Variants in FLT4 observed in about 807,000 individuals in gnomAD.
The protein encoded by FLT4 is vascular endothelial growth factor receptor 3.
In FLT4, 30 loss-of-function variants were observed where a neutral mutation model predicts 163.2. The observed-to-expected ratio is 0.18, with a 90% CI of 0.14 to 0.25. The LOEUF is 0.25. Ranked by LOEUF, FLT4 falls within the 10% of genes least tolerant of loss-of-function variation. FLT4 has a pLI of 1.00. For synonymous variants in FLT4, 884 were observed against 789.5 expected, an observed-to-expected ratio of 1.12 and a Z score of -2.01; for missense variants, 1,510 against 1,863.8, an observed-to-expected ratio of 0.81 and a Z score of 3.50.
At chr5:180,624,105 AG>A (rs775253724) in intron 10 of FLT4, 44 bp from the exon 11 acceptor site, 9 of 1,605,510 alleles carry the variant, frequency 5.6e-6, no homozygotes, top group Non-Finnish European at 7.6e-6. Context: ...GGATACAGGC[AG>A]GAAGGGCCCA....
At chr5:180,629,639 T>C in intron 6 of FLT4, 57 bp downstream of exon 6, 1 of 1,583,876 alleles carries the variant, frequency 6.3e-7, no homozygotes, top group Non-Finnish European at 8.6e-7. Context: ...CAGTGTGTGC[T>C]GTACAGTCAC....
chr5:180,608,838 G>T (rs967831277), intron 29 of FLT4, 130 bp downstream of exon 29: 35 of 796,750 alleles, frequency 4.4e-5, no homozygotes, highest in Non-Finnish European at 6.6e-5. Context: ...CACCTTGAAC[G>T]CGCGAAAAGG....
At chr5:180,628,380 C>T (rs1356601742) in intron 8 of FLT4, among the ~76,000 whole-genome samples, 1 of 152,206 alleles carries the variant, frequency 6.6e-6, no homozygotes, top group African/African-American at 2.4e-5. Context: ...TGCGGGGACT[C>T]CAGCAGCTTG....
intron 23 of FLT4, among the ~76,000 whole-genome samples, chr5:180,614,705 GC>G (rs59338603): frequency 0.2 from 30,775 of 151,888 alleles, 3,379 homozygotes; most frequent in Middle Eastern, 0.26. Context: ...TTCTGGACTG[GC>G]CTCTACCTCC....
intron 1 of FLT4, among the ~76,000 whole-genome samples, chr5:180,641,129 T>C (rs915680837): frequency 3.3e-5 from 5 of 152,272 alleles, no homozygotes; most frequent in African/African-American, 1.2e-4. Context: ...CCCTGCCCGG[T>C]TGGGCTGTGT....
chr5:180,603,720 C>T (rs978794180), intron 29 of FLT4, among the ~76,000 whole-genome samples: 25 of 152,038 alleles, frequency 1.6e-4, no homozygotes, highest in Admixed American at 1.0e-3. Flanking sequence ...CTGGCTAACA[C>T]GGTGAAACCC....
intron 13 of FLT4, 32 bp from the exon 14 acceptor site, chr5:180,621,284 G>C (rs2127815412): frequency 6.3e-7 from 1 of 1,599,008 alleles, no homozygotes; most frequent in Non-Finnish European, 8.5e-7. Flanking sequence ...GAGCTAAGTG[G>C]AGCTGCACTT....
In FLT4 at chr5:180,618,929, G is replaced by A. The variant is rs1245442526; in HGVS notation, c.2851-9C>T. ...TGCTCGGGAGACTTCTCCTGCGGATGCACGAAGCTGGCTCGAGGGCGCCCA... is the reference window on the plus strand; with the variant it reads ...TGCTCGGGAGACTTCTCCTGCGGATACACGAAGCTGGCTCGAGGGCGCCCA... On this transcript the variant is annotated splice_polypyrimidine_tract_variant and intron_variant, in intron 20 of 29. Transcript: ENST00000261937. 1.3e-6 allele frequency: 2 copies of A among 1,581,070 alleles called. No individual in the cohort carries two copies. The highest frequency in any genetic ancestry group is 1.1e-5 in the South Asian group (1 of 86,984).
chr5:180,640,596 C>A (rs2127861242), intron 1 of FLT4, among the ~76,000 whole-genome samples: 2 of 152,356 alleles, frequency 1.3e-5, no homozygotes, highest in Middle Eastern at 6.8e-3. Context: ...TGGCTGAGGG[C>A]AAAGCCCTTT....
intron 28 of FLT4, 54 bp from the exon 29 acceptor site, chr5:180,609,107 G>A: frequency 2.7e-6 from 4 of 1,482,734 alleles, no homozygotes; most frequent in Non-Finnish European, 3.8e-6. Flanking sequence ...CCTCCTGCAG[G>A]GCAGCCACCC....
intron 29 of FLT4, among the ~76,000 whole-genome samples, chr5:180,606,746 A>C (rs1395014459): frequency 2.6e-5 from 4 of 152,194 alleles, no homozygotes; most frequent in African/African-American, 7.2e-5. Context: ...TTGATTTTCC[A>C]AAACCAGGTA....
chr5:180,633,173 C>T lies in FLT4; in HGVS notation c.59-1395G>A, dbSNP rs149247856. Reference sequence around the variant, plus strand: ...CCTGCTGCACACCAAGATCTCATTTCGGCCTCACACGGGCAATGTGGTCAC... The same window carrying T: ...CCTGCTGCACACCAAGATCTCATTTTGGCCTCACACGGGCAATGTGGTCAC... On this transcript the variant is annotated intron_variant, in intron 1 of 29. Coordinates refer to ENST00000261937, the MANE Select transcript of FLT4 (RefSeq NM_182925.5). 8.6e-3 allele frequency among the ~76,000 whole-genome samples: 1,303 copies of T among 152,298 alleles called. 7 individuals are homozygous for T. The highest frequency in any genetic ancestry group is 0.02 in the Middle Eastern group (6 of 294).
chr5:180,613,016 G>A lies in FLT4; in HGVS notation c.3426C>T (p.Pro1142=), dbSNP rs746612426. The A allele has an allele frequency of 1.9e-5, 30 of 1,611,332 alleles. No individual in the cohort carries two copies. Among genetic ancestry groups the A allele is most frequent in the Middle Eastern group, 1.7e-4 (1 of 6,044 alleles). The change falls in exon 25 of 30, where the codon CCC becomes CCT. Residue 1142 remains proline, a synonymous_variant. Coordinates refer to ENST00000261937, the MANE Select transcript of FLT4 (RefSeq NM_182925.5). ...TRMRAPELAT[P]AIRRIMLNCW... ...AGGGCCATGGGGAGGCTCACATGGC[G>A]GGAGTGGCCAGCTCCGGGGCCCTCA...
rs1349843357 is a variant in FLT4 at position 180,614,183 on chromosome 5, G to A, written c.3220-4C>T. 2 of 1,594,158 alleles carry A rather than the reference G, an allele frequency of 1.3e-6. No individual in the cohort carries two copies. The highest frequency in any genetic ancestry group is 1.7e-6 in the Non-Finnish European group (2 of 1,165,054). On this transcript the variant is annotated splice_polypyrimidine_tract_variant and splice_region_variant and intron_variant, in intron 23 of 29. Coordinates refer to ENST00000261937, the MANE Select transcript of FLT4 (RefSeq NM_182925.5). ...TCCACTTCAGGGGCAGCCGGGCCTG[G>A]GGAGACAGAGGGAAGCTTGTCCCGT...
chr5:180,608,119 T>C, intron 29 of FLT4: 1 of 700,482 alleles, frequency 1.4e-6, no homozygotes, highest in Non-Finnish European at 2.6e-6. Context: ...GTGGTCACAC[T>C]CCTTGTCCAC....
At chr5:180,604,893 C>G (rs1168195810) in intron 29 of FLT4, among the ~76,000 whole-genome samples, 2 of 152,236 alleles carry the variant, frequency 1.3e-5, no homozygotes, top group East Asian at 1.9e-4. Context: ...CGTCCATCCT[C>G]TGTGTCTGGC....
At position 180,625,963 on chromosome 5, in the gene FLT4, G is replaced by A. The variant is rs1412696082; in HGVS notation, c.1327C>T (p.Leu443Phe). The A allele has an allele frequency of 6.2e-7, 1 of 1,612,692 alleles. No homozygotes were observed. Among genetic ancestry groups the A allele is most frequent in the Non-Finnish European group, 8.5e-7 (1 of 1,179,974 alleles). The change falls in exon 10 of 30, where the codon CTC (leucine) becomes TTC (phenylalanine). Residue 443 changes from leucine (L) to phenylalanine (F), a missense_variant. This residue lies in a region of FLT4 where 878 missense variants were observed against 1,016.7 expected (regional missense o/e 0.86). Coordinates refer to ENST00000261937, the MANE Select transcript of FLT4 (RefSeq NM_182925.5). ...GGCACCCCGTAGGCCGTGCAGGTGA[G>A]GGCCTGGCGGCTGTGACGCGAGTAG... ...SIYSRHSRQA[L>F]TCTAYGVPLP...
chr5:180,620,506 C>A lies in FLT4; in HGVS notation c.2406+103G>T. 1 of 1,193,538 alleles carries A rather than the reference C, an allele frequency of 8.4e-7. No homozygotes were observed. Among genetic ancestry groups the A allele is most frequent in the Admixed American group, 1.9e-5 (1 of 53,004 alleles). The allele number at this position is 1,193,538 out of a possible 1,614,324, so 73.9% of individuals were successfully genotyped here. On this transcript the variant is annotated intron_variant, in intron 16 of 29. Transcript: ENST00000261937. The surrounding 1 kb of genome is among the most constrained non-coding windows in gnomAD (Gnocchi z 4.4). The stretch of plus-strand genomic sequence containing the variant: ...CAGGGAGGCTTCCCAGGAAACAAGG[C>A]TGCCAGGTGAACTAGGGCGGGCACC...
intron 12 of FLT4, among the ~76,000 whole-genome samples, 166 bp from the exon 13 acceptor site, chr5:180,622,070 TC>T (rs934894995): frequency 6.8e-6 from 1 of 147,152 alleles, no homozygotes; most frequent in Non-Finnish European, 1.5e-5. Context: ...CATCAGGAGT[TC>T]CTTGTCACCC....
Sources: gnomAD v4.1 joint callset for allele counts (sites outside exome capture counted in the v4.1 genomes callset) on GRCh38, gnomAD v4.1.1 for gene constraint, gnomAD v4.1.1 regional missense constraint, Gnocchi (gnomAD v3.1) non-coding constraint, MANE v1.5 for transcripts, NCBI Gene and HGNC (gene_info 2026-07-23, HGNC 2026-07-21) for gene names.